CAST: variants seen among roughly 807,000 people sequenced by gnomAD.
The protein encoded by CAST is calpastatin, also known as MIR583 host.
A neutral mutation model predicts 119.6 loss-of-function variants in CAST; 76 were observed. The observed-to-expected ratio is 0.64, with a 90% CI of 0.53 to 0.77. CAST has a LOEUF of 0.77. Among genes scored for constraint, CAST ranks in the 30% least tolerant of loss-of-function variants. The pLI, the probability that CAST is intolerant of heterozygous loss-of-function variation, is 0.00. For synonymous variants in CAST, 319 were observed against 331.6 expected (o/e 0.96, Z 0.41); for missense variants, 953 against 946.5 (o/e 1.01, Z -0.09).
chr5:96,698,120 G>A (rs1753511782), intron 3 of CAST, among the ~76,000 whole-genome samples: 2 of 152,162 alleles, frequency 1.3e-5, no homozygotes, highest in African/African-American at 4.8e-5. Context: ...CTAAACTTTT[G>A]AAGGTTTAGT....
At chr5:96,030,381 G>C in the CAST span, among the ~76,000 whole-genome samples, 1 of 152,152 alleles carries the variant, frequency 6.6e-6, no homozygotes, top group Non-Finnish European at 1.5e-5. Context: ...CAAATGATAG[G>C]GGTAGACCTA....
At chr5:96,626,207 G>A (rs1157005087) in intron 1 of CAST, among the ~76,000 whole-genome samples, 1 of 152,166 alleles carries the variant, frequency 6.6e-6, no homozygotes, top group East Asian at 1.9e-4. Context: ...AGCCTTTGGA[G>A]GACAGATCAG....
chr5:96,397,464 T>C, the CAST span: 1 of 1,612,852 alleles, frequency 6.2e-7, no homozygotes, highest in South Asian at 1.1e-5. Context: ...AGCACAGTGC[T>C]AGTTCCTATG....
At chr5:96,611,599 A>G (rs950967869) in intron 1 of CAST, among the ~76,000 whole-genome samples, 1 of 152,176 alleles carries the variant, frequency 6.6e-6, no homozygotes, top group African/African-American at 2.4e-5. Context: ...AATAAAATTA[A>G]AAATTGAAAC....
chr5:96,121,997 AT>A, the CAST span, among the ~76,000 whole-genome samples: 1 of 152,158 alleles, frequency 6.6e-6, no homozygotes, highest in African/African-American at 2.4e-5. Context: ...AAGCATTCTA[AT>A]TTTCTTTTTC....
chr5:96,100,166 G>T, the CAST span, among the ~76,000 whole-genome samples: 1 of 152,134 alleles, frequency 6.6e-6, no homozygotes. Context: ...GTACCCTGCT[G>T]CAGGTTTAGC....
chr5:96,035,632 G>A, the CAST span, among the ~76,000 whole-genome samples: 1 of 151,914 alleles, frequency 6.6e-6, no homozygotes, highest in Non-Finnish European at 1.5e-5. Context: ...GGGGGAATTG[G>A]GGTGGGATGA....
the CAST span, among the ~76,000 whole-genome samples, chr5:96,440,504 G>T: frequency 6.6e-6 from 1 of 152,132 alleles, no homozygotes; most frequent in African/African-American, 2.4e-5. Context: ...TACATGCCAA[G>T]GAGAGGAGCA....
chr5:96,152,121 C>T, the CAST span, among the ~76,000 whole-genome samples: 6 of 152,128 alleles, frequency 3.9e-5, no homozygotes, highest in African/African-American at 1.4e-4. Context: ...ATAGAAAAGA[C>T]TACTTGTTGG....
At chr5:96,393,716 A>C in the CAST span, among the ~76,000 whole-genome samples, 1 of 152,246 alleles carries the variant, frequency 6.6e-6, no homozygotes, top group Non-Finnish European at 1.5e-5. Flanking sequence ...GCTGTCATGG[A>C]ATCCATTTTG....
intron 3 of CAST, among the ~76,000 whole-genome samples, chr5:96,711,823 C>CTAA (rs1358494088): frequency 2.6e-5 from 4 of 152,208 alleles, no homozygotes; most frequent in Non-Finnish European, 4.4e-5. Context: ...TGCTGAAATT[C>CTAA]TAATGGGTGA....
chr5:96,431,119 T>C, the CAST span, among the ~76,000 whole-genome samples: 557 of 152,260 alleles, frequency 3.7e-3, 2 homozygotes, highest in African/African-American at 0.013. Flanking sequence ...CCCCCATAGG[T>C]CATACATGAT....
the CAST span, among the ~76,000 whole-genome samples, chr5:95,979,546 T>G: frequency 5.9e-5 from 9 of 151,718 alleles, no homozygotes; most frequent in African/African-American, 1.9e-4. Flanking sequence ...AAATTATTTA[T>G]GGGGAAGAGT....
the CAST span, among the ~76,000 whole-genome samples, chr5:96,163,495 G>A: frequency 6.6e-6 from 1 of 152,046 alleles, no homozygotes. Context: ...CTTATGTTCT[G>A]ATACTTAAAA....
At chr5:96,115,781 G>T in the CAST span, among the ~76,000 whole-genome samples, 2,107 of 152,262 alleles carry the variant, frequency 0.014, 45 homozygotes, top group African/African-American at 0.048. Context: ...ACATATCACA[G>T]ATGTACAATG....
chr5:96,695,457 T>C (rs1245335588), intron 2 of CAST, among the ~76,000 whole-genome samples: 1 of 152,210 alleles, frequency 6.6e-6, no homozygotes, highest in Admixed American at 6.5e-5. Context: ...GATACATTTT[T>C]ACAAGTAGAA....
chr5:96,080,070 TA>T, the CAST span, among the ~76,000 whole-genome samples: 3 of 152,124 alleles, frequency 2.0e-5, no homozygotes, highest in Non-Finnish European at 4.4e-5. Context: ...AAAGCATAAT[TA>T]TTATGGGTTT....
At chr5:96,269,895 G>A in the CAST span, among the ~76,000 whole-genome samples, 1 of 152,036 alleles carries the variant, frequency 6.6e-6, no homozygotes, top group Non-Finnish European at 1.5e-5. Flanking sequence ...ATTCTATGAG[G>A]TCAGTGTTAC....
At chr5:96,452,330 T>C in the CAST span, among the ~76,000 whole-genome samples, 2 of 152,248 alleles carry the variant, frequency 1.3e-5, no homozygotes, top group Non-Finnish European at 2.9e-5. Flanking sequence ...GATGAGTCCA[T>C]GTCCTTTTTC....
Sources: gnomAD v4.1 joint callset for allele counts (sites outside exome capture counted in the v4.1 genomes callset) on GRCh38, gnomAD v4.1.1 for gene constraint, MANE v1.5 for transcripts, NCBI Gene and HGNC (gene_info 2026-07-23, HGNC 2026-07-21) for gene names.